Variants in LAMB4 observed in about 807,000 individuals in gnomAD.
The protein encoded by LAMB4 is laminin subunit beta-4.
Under a neutral mutation model 199.2 loss-of-function variants are expected in LAMB4, and 196 were observed. That is an observed-to-expected ratio of 0.98 (90% CI 0.88 to 1.11). The LOEUF is 1.11. Ranked by LOEUF, LAMB4 falls within the 50% of genes least tolerant of loss-of-function variation. The probability of loss-of-function intolerance (pLI) is 0.00; values close to 1 mark genes in which losing one functional copy is unlikely to be tolerated. For missense variants in LAMB4, 2,080 were observed against 2,171.2 expected, an observed-to-expected ratio of 0.96 and a Z score of 0.83; for synonymous variants, 744 against 770.6, an observed-to-expected ratio of 0.97 and a Z score of 0.57.
At chr7:108,072,115 G>C (rs2036553867) in intron 17 of LAMB4, among the ~76,000 whole-genome samples, 1 of 152,106 alleles carries the variant, frequency 6.6e-6, no homozygotes, top group Admixed American at 6.6e-5. Context: ...TCAGAAACGT[G>C]GGACATTCTC....
At chr7:108,094,108 T>TG (rs576423756) in intron 12 of LAMB4, among the ~76,000 whole-genome samples, 185 of 151,868 alleles carry the variant, frequency 1.2e-3, no homozygotes, top group South Asian at 5.6e-3. Context: ...AGTTCCCCCA[T>TG]GGGGGGGGTC....
intron 21 of LAMB4, among the ~76,000 whole-genome samples, chr7:108,064,576 A>T (rs1205221859): frequency 1.3e-5 from 2 of 152,186 alleles, no homozygotes; most frequent in African/African-American, 2.4e-5. Flanking sequence ...TTAGGTGCCC[A>T]AACTGTGGCT....
rs2034822815 is a variant in LAMB4, at chr7:108,025,961, A to T, written c.5147-1783T>A. ...TTTCATTCACACATGGCCAATGGAC[A>T]GTGCTGATAAGTGGTCAGAGGATAG... On this transcript the variant is annotated intron_variant, in intron 33 of 33. Transcript: ENST00000388781. Among the ~76,000 whole-genome samples the T allele has an allele frequency of 2.6e-5, 4 of 152,200 alleles. No individual in the cohort carries two copies. The South Asian group carries it at 8.3e-4, about 31-fold the overall frequency.
chr7:108,056,758 C>T (rs2035997372), intron 24 of LAMB4, among the ~76,000 whole-genome samples: 1 of 151,944 alleles, frequency 6.6e-6, no homozygotes, highest in African/African-American at 2.4e-5. Context: ...TTGTTTGAGC[C>T]CAGGAGTTCG....
At chr7:108,041,890 T>C (rs117015925) in intron 29 of LAMB4, among the ~76,000 whole-genome samples, 5,179 of 151,548 alleles carry the variant, frequency 0.034, 143 homozygotes, top group Admixed American at 0.06. Flanking sequence ...ACTTAAAAGT[T>C]AAAAAAAAAG....
At chr7:108,049,790 C>G (rs753405414) in intron 26 of LAMB4, among the ~76,000 whole-genome samples, 6 of 152,178 alleles carry the variant, frequency 3.9e-5, no homozygotes, top group Non-Finnish European at 8.8e-5. Context: ...CCTTTACTGC[C>G]TGGGCATACC....
intron 14 of LAMB4, among the ~76,000 whole-genome samples, chr7:108,087,548 T>G (rs2037231531): frequency 6.6e-6 from 1 of 152,234 alleles, no homozygotes. Context: ...CAAGGTCTTC[T>G]GGACTCTTTG....
intron 10 of LAMB4, among the ~76,000 whole-genome samples, chr7:108,102,263 A>C (rs1329551298): frequency 6.6e-6 from 1 of 152,250 alleles, no homozygotes; most frequent in Non-Finnish European, 1.5e-5. Flanking sequence ...CTGATATAGA[A>C]AAGTCTCAAA....
rs114594764 is a variant in LAMB4 at position 108,129,825 on chromosome 7, G to A, written c.-34+481C>T. On this transcript the variant is annotated intron_variant, in intron 1 of 33. Coordinates refer to ENST00000388781, the MANE Select transcript of LAMB4 (RefSeq NM_007356.3). ...ATTACAGGCATGAGCCACCATGCCC[G>A]GCCAAGTTTATGTTTCTTTTAGTTA... is the stretch of plus-strand genomic sequence containing the variant. Among the ~76,000 whole-genome samples, 1,222 of 152,260 alleles carry A rather than the reference G, an allele frequency of 8.0e-3. 12 individuals are homozygous for A. The highest frequency in any genetic ancestry group is 0.027 in the African/African-American group (1,138 of 41,538).
At chr7:108,043,938 C>T in intron 28 of LAMB4, 42 bp from the exon 29 acceptor site, 1 of 1,542,918 alleles carries the variant, frequency 6.5e-7, no homozygotes, top group Non-Finnish European at 8.8e-7. Context: ...CGACAATATA[C>T]TCAACAAAGT....
At chr7:108,108,513 A>C (rs2038104590) in intron 5 of LAMB4, among the ~76,000 whole-genome samples, 2 of 152,188 alleles carry the variant, frequency 1.3e-5, no homozygotes, top group Non-Finnish European at 2.9e-5. Flanking sequence ...CCCACAGCAG[A>C]TTTAGCCTCT....
intron 11 of LAMB4, among the ~76,000 whole-genome samples, chr7:108,095,712 A>T (rs1302793107): frequency 6.6e-6 from 1 of 152,140 alleles, no homozygotes; most frequent in African/African-American, 2.4e-5. Flanking sequence ...TCTCTGGCAG[A>T]TGCATCTGGA....
intron 31 of LAMB4, among the ~76,000 whole-genome samples, chr7:108,033,103 C>T (rs2035098336): frequency 6.6e-6 from 1 of 152,108 alleles, no homozygotes; most frequent in African/African-American, 2.4e-5. Flanking sequence ...CTTCCTGTAC[C>T]CTTGGGCATA....
chr7:108,088,319 C>T (rs1033891698), intron 14 of LAMB4, among the ~76,000 whole-genome samples: 1 of 152,156 alleles, frequency 6.6e-6, no homozygotes, highest in African/African-American at 2.4e-5. Flanking sequence ...TGTGCCACCA[C>T]GCCCAGCTAA....
the LAMB4 span, among the ~76,000 whole-genome samples, chr7:108,013,117 A>T: frequency 1.3e-5 from 2 of 152,236 alleles, no homozygotes; most frequent in Non-Finnish European, 2.9e-5. Flanking sequence ...CTGTGTGAAG[A>T]GTATTCATTA....
At chr7:108,087,175 G>A (rs1210484345) in intron 14 of LAMB4, among the ~76,000 whole-genome samples, 1 of 152,186 alleles carries the variant, frequency 6.6e-6, no homozygotes, top group Non-Finnish European at 1.5e-5. Context: ...ATAATCTGAA[G>A]TCCATATCAT....
In LAMB4 at chr7:108,049,362, C is replaced by G. The variant is rs2035754985; in HGVS notation, c.4086G>C (p.Gln1362His). The G allele has an allele frequency of 6.3e-7, 1 of 1,580,394 alleles. No homozygotes were observed. The highest frequency in any genetic ancestry group is 1.7e-5 in the Admixed American group (1 of 59,468). Reference sequence around the variant, plus strand: ...ATATTTGGATATCTGGTATCTTAATCTGCTTTAATCTTTCCAATGACAAGT... The same window carrying G: ...ATATTTGGATATCTGGTATCTTAATGTGCTTTAATCTTTCCAATGACAAGT... ...KGNLSLERLK[Q>H]IKIPDIQILN... The change falls in exon 27 of 34, where the codon CAG (glutamine) becomes CAC (histidine). Residue 1362 changes from glutamine to histidine, a missense_variant. By Grantham distance (24) the Gln-to-His change is conservative (BLOSUM62 0). Transcript: ENST00000388781.
At chr7:108,032,866 C>T (rs771409099) in intron 31 of LAMB4, among the ~76,000 whole-genome samples, 20 of 152,298 alleles carry the variant, frequency 1.3e-4, no homozygotes, top group South Asian at 2.1e-4. Context: ...AGCTTGAATG[C>T]TCCAGGGATG....
chr7:108,066,498 C>T lies in LAMB4; in HGVS notation c.2549G>A (p.Cys850Tyr). Residue 850 changes from cysteine (C) to tyrosine (Y), a missense_variant, in exon 20 of 34, where the codon TGC becomes TAC. Physicochemically the swap from Cys to Tyr is radical, Grantham distance 194 (BLOSUM62 -2). Coordinates refer to ENST00000388781, the MANE Select transcript of LAMB4 (RefSeq NM_007356.3). ...GGGAAATCCAAAGTAGCCTGCCAGG[C>T]AGCGATCACAGCGGCGGCCAGACAC... ...GEVSGRRCDR[C>Y]LAGYFGFPSC... 6.2e-7 allele frequency: 1 copy of T among 1,614,146 alleles called. No individual in the cohort carries two copies. Among genetic ancestry groups the T allele is most frequent in the East Asian group, 2.2e-5 (1 of 44,870 alleles).
Sources: allele counts gnomAD v4.1 joint callset (sites outside exome capture counted in the v4.1 genomes callset), GRCh38; gene constraint gnomAD v4.1.1; transcripts MANE v1.5; gene names NCBI Gene and HGNC (gene_info 2026-07-23, HGNC 2026-07-21).